RALGPS1: variants seen among roughly 807,000 people sequenced by gnomAD.
The protein encoded by RALGPS1 is Ral GEF with PH domain and SH3 binding motif 1.
Under a neutral mutation model 78.8 loss-of-function variants are expected in RALGPS1, and 19 were observed. The observed-to-expected ratio is 0.24, with a 90% CI of 0.17 to 0.35. The LOEUF (loss-of-function observed/expected upper bound fraction) is 0.35. Ranked by LOEUF, RALGPS1 falls within the 10% of genes least tolerant of loss-of-function variation. The pLI is 1.00. For synonymous variants in RALGPS1, 228 were observed against 256.3 expected (o/e 0.89, Z 1.06); for missense variants, 454 against 688.3 (o/e 0.66, Z 3.81).
intron 1 of RALGPS1, among the ~76,000 whole-genome samples, chr9:126,960,223 T>TCCTC (rs1564310499): frequency 1.6e-5 from 1 of 63,376 alleles, no homozygotes. Flanking sequence ...CTCCCTCCCT[T>TCCTC]CCTTCCTTCC....
At chr9:127,025,497 C>T (rs1043782371) in intron 4 of RALGPS1, among the ~76,000 whole-genome samples, 1 of 152,174 alleles carries the variant, frequency 6.6e-6, no homozygotes, top group African/African-American at 2.4e-5. Context: ...CACCTGCTTT[C>T]CTAAATGGCT....
chr9:127,166,128 A>T lies in RALGPS1; in HGVS notation c.670A>T (p.Met224Leu), dbSNP rs1211656976. The change falls in exon 9 of 19, where the codon ATG becomes TTG. Residue 224 changes from methionine to leucine, a missense_variant. By Grantham distance (15) the Met-to-Leu change is conservative (BLOSUM62 2). Coordinates refer to ENST00000259351, the MANE Select transcript of RALGPS1 (RefSeq NM_014636.3). ...DSAYPASGSI[M>L]ENEQRSNQMN... Reference sequence around the variant, plus strand: ...TGCATATCCTGCCTCAGGCAGTATCATGGAAAATGAACAAAGATCCAATCA... The same window carrying T: ...TGCATATCCTGCCTCAGGCAGTATCTTGGAAAATGAACAAAGATCCAATCA... 1.2e-6 allele frequency: 2 copies of T among 1,613,520 alleles called. No individual in the cohort carries two copies. The highest frequency in any genetic ancestry group is 1.3e-5 in the African/African-American group (1 of 75,066).
At chr9:126,953,421 G>T (rs2038050983) in intron 1 of RALGPS1, among the ~76,000 whole-genome samples, 1 of 151,996 alleles carries the variant, frequency 6.6e-6, no homozygotes, top group Admixed American at 6.6e-5. Context: ...GGTGAGAGAG[G>T]CAGAAGGAGG....
chr9:126,959,354 G>A (rs905602892), intron 1 of RALGPS1, among the ~76,000 whole-genome samples: 1 of 152,120 alleles, frequency 6.6e-6, no homozygotes, highest in East Asian at 1.9e-4. Flanking sequence ...GAGCCACTGT[G>A]CCTGGCCCAT....
chr9:127,108,814 TC>T, intron 8 of RALGPS1: 1 of 1,387,942 alleles, frequency 7.2e-7, no homozygotes. Context: ...TCAGTGATGG[TC>T]CCACCACTGT....
intron 3 of RALGPS1, among the ~76,000 whole-genome samples, chr9:126,971,720 A>G (rs2040138559): frequency 1.3e-5 from 2 of 152,342 alleles, no homozygotes; most frequent in African/African-American, 4.8e-5. Flanking sequence ...CACTATAAAG[A>G]CAGAGAGCAG....
chr9:127,033,466 G>T (rs2046598720), intron 4 of RALGPS1, among the ~76,000 whole-genome samples: 1 of 152,190 alleles, frequency 6.6e-6, no homozygotes, highest in Non-Finnish European at 1.5e-5. Flanking sequence ...TATTGTAGCT[G>T]CTGGGCAGCT....
At chr9:127,044,883 A>G (rs1043277376) in intron 5 of RALGPS1, among the ~76,000 whole-genome samples, 3 of 152,182 alleles carry the variant, frequency 2.0e-5, no homozygotes, top group African/African-American at 7.2e-5. Flanking sequence ...CTCCTGAATC[A>G]TTATTGTTGG....
rs937316706 is a variant in RALGPS1, at chr9:127,091,677, G to A, written c.610+22321G>A. 3 of 1,613,608 alleles carry A rather than the reference G, an allele frequency of 1.9e-6. No homozygotes were observed. The Admixed American group carries it at 5.0e-5, about 27-fold the overall frequency. On this transcript the variant is annotated intron_variant, in intron 8 of 18. Coordinates refer to ENST00000259351, the MANE Select transcript of RALGPS1 (RefSeq NM_014636.3). This position sits in a 1 kb window ranked among gnomAD's most constrained non-coding sequence, Gnocchi z 4.3. ...TGACTCCACTTTTCCTACCTGTGTA[G>A]ACATCATGATCTCTGTCCAGGGTGG...
At chr9:127,185,882 C>T (rs1030904433) in intron 11 of RALGPS1, among the ~76,000 whole-genome samples, 6 of 152,180 alleles carry the variant, frequency 3.9e-5, no homozygotes, top group Non-Finnish European at 7.3e-5. Flanking sequence ...ATGGCTTACT[C>T]CTCACAGGGA....
rs60025121 is a variant in RALGPS1 at position 127,001,402 on chromosome 9, C to A, written c.216+23657C>A. On this transcript the variant is annotated intron_variant, in intron 4 of 18. Coordinates refer to ENST00000259351, the MANE Select transcript of RALGPS1 (RefSeq NM_014636.3). ...GATTCCACCTTAACTTCTTTATTGG[C>A]TTATGAGGTATAATTTCTTTAATTT... is the stretch of plus-strand genomic sequence containing the variant. Among the ~76,000 whole-genome samples, 854 of 151,744 alleles carry A rather than the reference C, an allele frequency of 5.6e-3. 26 individuals are homozygous for A. The East Asian group carries it at 0.081, about 14-fold the overall frequency.
intron 1 of RALGPS1, among the ~76,000 whole-genome samples, chr9:126,932,498 A>G (rs1316814143): frequency 6.6e-6 from 1 of 152,182 alleles, no homozygotes; most frequent in Admixed American, 6.5e-5. Flanking sequence ...TGGAAACAAT[A>G]CCAGTGTCCA....
At chr9:127,099,873 C>T (rs1392604029) in intron 8 of RALGPS1, among the ~76,000 whole-genome samples, 4 of 152,176 alleles carry the variant, frequency 2.6e-5, no homozygotes, top group Non-Finnish European at 5.9e-5. Flanking sequence ...GCTTTCAGGC[C>T]GCTTTAGCCC....
At chr9:127,146,736 G>A (rs1170347664) in intron 8 of RALGPS1, among the ~76,000 whole-genome samples, 1 of 152,060 alleles carries the variant, frequency 6.6e-6, no homozygotes, top group Non-Finnish European at 1.5e-5. Context: ...TAGAGATGGG[G>A]TCTCACCATG....
rs766192229 is a variant in RALGPS1 at position 127,108,685 on chromosome 9, G to A, written c.610+39329G>A. 3.1e-6 allele frequency: 5 copies of A among 1,613,174 alleles called. No individual in the cohort carries two copies. The Admixed American group carries it at 6.7e-5, about 22-fold the overall frequency. ...CTCCTGGCCTGCAACAGCTCCCATG[G>A]CAGCCAGCAGTCCGAGCCACCAGCA... On this transcript the variant is annotated intron_variant, in intron 8 of 18. Coordinates refer to ENST00000259351, the MANE Select transcript of RALGPS1 (RefSeq NM_014636.3).
intron 1 of RALGPS1, among the ~76,000 whole-genome samples, chr9:126,944,182 CAG>C (rs538886560): frequency 1.2e-4 from 18 of 152,222 alleles, no homozygotes; most frequent in Non-Finnish European, 1.9e-4. Context: ...ACGCAGGAGT[CAG>C]AGAGGGGCTG....
Position 127,110,196 on chromosome 9 carries a change from C to T in RALGPS1, c.610+40840C>T, listed in dbSNP as rs143452742. On this transcript the variant is annotated intron_variant, in intron 8 of 18. Transcript: ENST00000259351. ...GAGCCCACCCTCATCAGGCTTTGCC[C>T]GCTCCCCTTCATTCTAGGTTGCCCT... Among the ~76,000 whole-genome samples the T allele has an allele frequency of 3.4e-3, 513 of 152,280 alleles. 7 individuals are homozygous for T. The highest frequency in any genetic ancestry group is 0.012 in the African/African-American group (495 of 41,548).
chr9:126,942,736 G>A (rs1213120542), intron 1 of RALGPS1, among the ~76,000 whole-genome samples: 1 of 152,186 alleles, frequency 6.6e-6, no homozygotes, highest in African/African-American at 2.4e-5. Context: ...ATCCCCTTAG[G>A]ATTTGGAGTG....
rs986297396 is a variant in RALGPS1 at position 127,168,321 on chromosome 9, A to G, written c.749-358A>G. ...CCCCAATGGAAACCTGTTTTAGGGC[A>G]CAGACACCTGGCTCTGGTCTGTTTT... On this transcript the variant is annotated intron_variant, in intron 9 of 18. Coordinates refer to ENST00000259351, the MANE Select transcript of RALGPS1 (RefSeq NM_014636.3). Among the ~76,000 whole-genome samples the G allele has an allele frequency of 1.2e-4, 18 of 152,204 alleles. 1 individual carries two copies. Among genetic ancestry groups the G allele is most frequent in the Non-Finnish European group, 4.4e-5 (3 of 68,026 alleles).
Sources: allele counts gnomAD v4.1 joint callset (sites outside exome capture counted in the v4.1 genomes callset), GRCh38; gene constraint gnomAD v4.1.1; non-coding constraint Gnocchi (gnomAD v3.1); transcripts MANE v1.5; gene names NCBI Gene and HGNC (gene_info 2026-07-23, HGNC 2026-07-21).